Variants in STT3B observed in about 807,000 individuals in gnomAD.
STT3B encodes the protein dolichyl-diphosphooligosaccharide--protein glycosyltransferase subunit STT3B.
STT3B carries 29 observed loss-of-function variants against 96.8 expected under a neutral mutation model. The ratio of observed to expected loss-of-function variants is 0.30; its 90% CI spans 0.22 to 0.41. The LOEUF (loss-of-function observed/expected upper bound fraction) is 0.41, where lower values mean the gene tolerates loss of function less well. Ranked by LOEUF, STT3B falls within the 10% of genes least tolerant of loss-of-function variation. STT3B has a pLI of 1.00. For missense variants in STT3B, 640 were observed against 1,022.3 expected, an observed-to-expected ratio of 0.63 and a Z score of 5.10; for synonymous variants, 367 against 360.0, an observed-to-expected ratio of 1.02 and a Z score of -0.22.
rs139019183 is a variant in STT3B at position 31,540,649 on chromosome 3, G to A, written c.314+7337G>A. 7.1e-3 allele frequency among the ~76,000 whole-genome samples: 1,076 copies of A among 151,862 alleles called. 12 individuals are homozygous for A. The highest frequency in any genetic ancestry group is 0.024 in the African/African-American group (992 of 41,396). On this transcript the variant is annotated intron_variant, in intron 1 of 15. Coordinates refer to ENST00000295770, the MANE Select transcript of STT3B (RefSeq NM_178862.3). Reference sequence around the variant, plus strand: ...TTCACTTTCTGTCCCCTGCCTCCCCGCCCCACAATAGATAGATAATGTTGT... The same window carrying A: ...TTCACTTTCTGTCCCCTGCCTCCCCACCCCACAATAGATAGATAATGTTGT...
At chr3:31,576,340 A>T in intron 1 of STT3B, 56 bp from the exon 2 acceptor site, 1 of 953,150 alleles carries the variant, frequency 1.0e-6, no homozygotes, top group African/African-American at 1.7e-5. Context: ...AATATAAAGA[A>T]GGAGCTATTT....
At chr3:31,574,200 G>A (rs1433784393) in intron 1 of STT3B, among the ~76,000 whole-genome samples, 2 of 152,066 alleles carry the variant, frequency 1.3e-5, no homozygotes, top group East Asian at 1.9e-4. Context: ...TTTCGGGGGG[G>A]TGTTACTCTT....
chr3:31,550,883 C>T (rs1320609559), intron 1 of STT3B, among the ~76,000 whole-genome samples: 4 of 151,916 alleles, frequency 2.6e-5, no homozygotes. Flanking sequence ...ATGGCAGGAG[C>T]AATAAAAGGT....
At chr3:31,623,615 A>G (rs1337006791) in intron 10 of STT3B, 59 bp from the exon 11 acceptor site, 1 of 1,326,892 alleles carries the variant, frequency 7.5e-7, no homozygotes, top group Non-Finnish European at 1.0e-6. Context: ...TCCATTGAGT[A>G]TCTTAATGAA....
intron 10 of STT3B, among the ~76,000 whole-genome samples, chr3:31,622,610 C>T (rs1559390527): frequency 6.6e-6 from 1 of 152,138 alleles, no homozygotes; most frequent in Admixed American, 6.5e-5. Context: ...AAACTTTATG[C>T]TGTACTAAAT....
intron 1 of STT3B, among the ~76,000 whole-genome samples, chr3:31,566,931 A>G (rs896354196): frequency 1.3e-5 from 2 of 152,232 alleles, no homozygotes; most frequent in East Asian, 1.9e-4. Flanking sequence ...TTTTGAAAAC[A>G]TGATTATTAC....
chr3:31,636,560 T>G lies in STT3B; in HGVS notation c.*496T>G, dbSNP rs1699758637. The G allele has an allele frequency of 6.6e-6, 1 of 152,238 alleles. No individual in the cohort carries two copies. The highest frequency in any genetic ancestry group is 1.5e-5 in the Non-Finnish European group (1 of 68,064). 9.4% of individuals were successfully genotyped at this position (152,238 alleles called of 1,614,324 possible). ...AGAAGAATCATTATACTTCCTTGAATTATATTTATTTTCATGTTTCTCTAA... is the reference window on the plus strand; with the variant it reads ...AGAAGAATCATTATACTTCCTTGAAGTATATTTATTTTCATGTTTCTCTAA... On this transcript the variant is annotated 3_prime_UTR_variant, in exon 16 of 16. Transcript: ENST00000295770.
At chr3:31,598,303 A>G (rs1698839749) in intron 4 of STT3B, among the ~76,000 whole-genome samples, 1 of 152,250 alleles carries the variant, frequency 6.6e-6, no homozygotes, top group Admixed American at 6.5e-5. Context: ...ATTAAAAATT[A>G]GTTTTTCGTA....
chr3:31,544,943 C>A lies in STT3B; in HGVS notation c.314+11631C>A, dbSNP rs558566323. On this transcript the variant is annotated intron_variant, in intron 1 of 15. Coordinates refer to ENST00000295770, the MANE Select transcript of STT3B (RefSeq NM_178862.3). ...CAGAGCAAGACTCTGTCTCAGGGAG[C>A]GGGGGGGGAACATTGCATATGCTCT... Among the ~76,000 whole-genome samples, 4 of 150,860 alleles carry A rather than the reference C, an allele frequency of 2.7e-5. No homozygotes were observed. The South Asian group carries it at 8.4e-4, about 32-fold the overall frequency.
At chr3:31,613,337 C>T (rs768476189) in intron 5 of STT3B, among the ~76,000 whole-genome samples, 12 of 152,234 alleles carry the variant, frequency 7.9e-5, no homozygotes, top group Middle Eastern at 3.4e-3. Flanking sequence ...AGAAATCCAG[C>T]TTCAGAAGTG....
chr3:31,548,699 T>C (rs888176043), intron 1 of STT3B, among the ~76,000 whole-genome samples: 2 of 152,168 alleles, frequency 1.3e-5, no homozygotes, highest in African/African-American at 4.8e-5. Context: ...ATTAGTTTGC[T>C]GATATTTTCT....
At chr3:31,624,861 G>A in intron 11 of STT3B, 53 bp from the exon 12 acceptor site, 2 of 1,421,352 alleles carry the variant, frequency 1.4e-6, no homozygotes, top group Non-Finnish European at 1.9e-6. Context: ...TTTTAAGTTA[G>A]CCTCTTCACA....
chr3:31,624,079 G>A (rs983009488), intron 11 of STT3B, among the ~76,000 whole-genome samples: 2 of 152,138 alleles, frequency 1.3e-5, no homozygotes, highest in Non-Finnish European at 2.9e-5. Context: ...ATAATCACGT[G>A]TAAAATGGGG....
chr3:31,552,358 T>C (rs1040041941), intron 1 of STT3B, among the ~76,000 whole-genome samples: 1 of 152,198 alleles, frequency 6.6e-6, no homozygotes, highest in African/African-American at 2.4e-5. Flanking sequence ...GATTCTAGTT[T>C]AGTGAGGGAG....
intron 5 of STT3B, among the ~76,000 whole-genome samples, chr3:31,608,636 A>G (rs1699111161): frequency 6.6e-6 from 1 of 152,344 alleles, no homozygotes; most frequent in African/African-American, 2.4e-5. Context: ...TTCATGTTCT[A>G]CAGGCCAACC....
intron 1 of STT3B, among the ~76,000 whole-genome samples, chr3:31,545,258 A>G (rs1389759358): frequency 1.3e-5 from 2 of 152,336 alleles, no homozygotes; most frequent in East Asian, 1.9e-4. Context: ...AGAAAGGAAG[A>G]TCTTTTCACC....
intron 6 of STT3B, 30 bp downstream of exon 6, chr3:31,615,233 A>G (rs929720490): frequency 9.2e-6 from 14 of 1,513,836 alleles, no homozygotes; most frequent in Non-Finnish European, 1.2e-5. Flanking sequence ...TCCTTCTTCT[A>G]AAGAATATGT....
rs772122058 is a variant in STT3B, at chr3:31,617,923, A to G, written c.1124-17A>G. The G allele has an allele frequency of 6.3e-7, 1 of 1,580,730 alleles. No individual in the cohort carries two copies. ...ATAAAAAGGCAGATTAATTTCATCC[A>G]TGTTTTTCCTTCCAAGGTTACATTG... On this transcript the variant is annotated splice_polypyrimidine_tract_variant and intron_variant, in intron 7 of 15. Coordinates refer to ENST00000295770, the MANE Select transcript of STT3B (RefSeq NM_178862.3).
chr3:31,583,456 C>T lies in STT3B; in HGVS notation c.711+3360C>T, dbSNP rs538111062. Among the ~76,000 whole-genome samples the T allele has an allele frequency of 3.9e-5, 6 of 152,248 alleles. No individual in the cohort carries two copies. The South Asian group carries it at 1.0e-3, about 26-fold the overall frequency. On this transcript the variant is annotated intron_variant, in intron 3 of 15. Transcript: ENST00000295770. ...AAGTGTTGGAGTTACAGGTTTGAACCACCACACCCTGCCTTTTTTTGTTTC... is the reference window on the plus strand; with the variant it reads ...AAGTGTTGGAGTTACAGGTTTGAACTACCACACCCTGCCTTTTTTTGTTTC...
Sources: allele counts gnomAD v4.1 joint callset (sites outside exome capture counted in the v4.1 genomes callset), GRCh38; gene constraint gnomAD v4.1.1; transcripts MANE v1.5; gene names NCBI Gene and HGNC (gene_info 2026-07-23, HGNC 2026-07-21).